Variants in TRDN observed in about 807,000 individuals in gnomAD.
TRDN encodes triadin in skeletal muscle.
TRDN carries 161 observed loss-of-function variants against 149.7 expected under a neutral mutation model. The ratio of observed to expected loss-of-function variants is 1.08; its 90% CI spans 0.95 to 1.23. TRDN has a LOEUF of 1.23. Among genes scored for constraint, TRDN ranks in the 50% most tolerant of loss-of-function variants. The pLI is 0.00. For synonymous variants in TRDN, 294 were observed against 250.5 expected (o/e 1.17, Z -1.64); for missense variants, 896 against 823.5 (o/e 1.09, Z -1.08).
intron 19 of TRDN, among the ~76,000 whole-genome samples, chr6:123,372,750 T>G (rs1781369221): frequency 6.6e-6 from 1 of 152,158 alleles, no homozygotes; most frequent in African/African-American, 2.4e-5. Context: ...GTTAAAGCCA[T>G]GAAGCACTCT....
At chr6:123,278,992 G>A (rs1777478879) in intron 25 of TRDN, 64 bp downstream of exon 25, 3 of 1,415,270 alleles carry the variant, frequency 2.1e-6, no homozygotes, top group Admixed American at 4.3e-5. Flanking sequence ...ATGCATTTAA[G>A]ATTTGTTTTA....
intron 12 of TRDN, among the ~76,000 whole-genome samples, chr6:123,401,377 C>A (rs1465368522): frequency 6.6e-6 from 1 of 152,118 alleles, no homozygotes; most frequent in African/African-American, 2.4e-5. Context: ...TACACTTAGT[C>A]CTCAGATTAA....
At chr6:123,402,161 T>A (rs1410923112) in intron 12 of TRDN, among the ~76,000 whole-genome samples, 1 of 152,026 alleles carries the variant, frequency 6.6e-6, no homozygotes, top group Admixed American at 6.6e-5. Flanking sequence ...ACATTGTGAG[T>A]TCCTACATAA....
intron 19 of TRDN, among the ~76,000 whole-genome samples, chr6:123,372,060 A>G (rs1431267356): frequency 1.3e-5 from 2 of 152,170 alleles, no homozygotes; most frequent in Admixed American, 1.3e-4. Context: ...TATATTTGGC[A>G]TGCAGTGTGT....
chr6:123,512,375 A>G lies in TRDN; in HGVS notation c.551-13T>C. ...TCCTTGTGAGTTGCTTAAACAGAAA[A>G]TTTTACATTAGTACACATTTTTAAT... On this transcript the variant is annotated splice_polypyrimidine_tract_variant and intron_variant, in intron 6 of 40. Transcript: ENST00000334268. 7.0e-7 allele frequency: 1 copy of G among 1,437,448 alleles called. No homozygotes were observed. The highest frequency in any genetic ancestry group is 9.6e-7 in the Non-Finnish European group (1 of 1,044,318). 89.0% of individuals were successfully genotyped at this position (1,437,448 alleles called of 1,614,324 possible).
rs1246869283 is a variant in TRDN, at chr6:123,266,498, T to C, written c.1784-1160A>G. Among the ~76,000 whole-genome samples the C allele has an allele frequency of 4.5e-4, 22 of 48,894 alleles. 2 individuals are homozygous for C. The highest frequency in any genetic ancestry group is 8.3e-4 in the Admixed American group (2 of 2,420). 32.1% of individuals were successfully genotyped at this position (48,894 alleles called of 152,430 possible). On this transcript the variant is annotated intron_variant, in intron 32 of 40. Transcript: ENST00000334268. The stretch of plus-strand genomic sequence containing the variant: ...TATATATTATAATATGTATTATATA[T>C]AATATATATATTATAATATGTATTA...
chr6:123,565,312 C>T lies in TRDN; in HGVS notation c.232+5611G>A, dbSNP rs547039626. Among the ~76,000 whole-genome samples the T allele has an allele frequency of 2.0e-5, 3 of 152,248 alleles. No homozygotes were observed. The East Asian group carries it at 5.8e-4, about 30-fold the overall frequency. ...ACTAAGAGAGCAACGTTTCTCTGTC[C>T]TCCCATCCCCCACTTAGGGTTTCCA... On this transcript the variant is annotated intron_variant, in intron 2 of 40. Transcript: ENST00000334268.
chr6:123,474,452 CT>C (rs1562334234), intron 9 of TRDN, among the ~76,000 whole-genome samples: 1 of 152,028 alleles, frequency 6.6e-6, no homozygotes, highest in Non-Finnish European at 1.5e-5. Context: ...TACAAAGAGA[CT>C]TAGACTCCCA....
At position 123,269,881 on chromosome 6, in the gene TRDN, G is replaced by T; in HGVS notation, c.1721-15C>A. ...TTTGGGCTTGGCTGTGGAGAATGGAGGCAAGCACATGGCATATTGATGAGT... is the reference window on the plus strand; with the variant it reads ...TTTGGGCTTGGCTGTGGAGAATGGATGCAAGCACATGGCATATTGATGAGT... On this transcript the variant is annotated splice_polypyrimidine_tract_variant and intron_variant, in intron 30 of 40. Coordinates refer to ENST00000334268, the MANE Select transcript of TRDN (RefSeq NM_006073.4). 1 of 1,609,488 alleles carries T rather than the reference G, an allele frequency of 6.2e-7. No homozygotes were observed. The highest frequency in any genetic ancestry group is 1.1e-5 in the South Asian group (1 of 90,450).
chr6:123,281,954 C>T (rs942956417), intron 24 of TRDN, among the ~76,000 whole-genome samples: 2 of 151,884 alleles, frequency 1.3e-5, no homozygotes, highest in African/African-American at 4.8e-5. Context: ...TATGAATGTG[C>T]CTTGTGTGGA....
intron 7 of TRDN, among the ~76,000 whole-genome samples, chr6:123,504,689 T>C (rs2114835877): frequency 6.6e-6 from 1 of 152,252 alleles, no homozygotes; most frequent in Non-Finnish European, 1.5e-5. Flanking sequence ...ATATTCTTAA[T>C]TTGATATTAT....
At chr6:123,424,944 A>T (rs1178003664) in intron 12 of TRDN, among the ~76,000 whole-genome samples, 1 of 152,118 alleles carries the variant, frequency 6.6e-6, no homozygotes, top group Admixed American at 6.6e-5. Context: ...CTCATTTTTC[A>T]AAGCTGCTGA....
chr6:123,516,254 TGAG>T (rs1779405641), intron 5 of TRDN, 48 bp from the exon 6 acceptor site: 2 of 1,417,414 alleles, frequency 1.4e-6, no homozygotes, highest in South Asian at 2.9e-5. Flanking sequence ...CAGGAATAAA[TGAG>T]GAGATGTTTG....
At chr6:123,528,625 T>C in intron 5 of TRDN, 1 of 985,516 alleles carries the variant, frequency 1.0e-6, no homozygotes, top group East Asian at 1.1e-4. Context: ...CATACAACCA[T>C]AACTGACATG....
intron 9 of TRDN, among the ~76,000 whole-genome samples, chr6:123,491,941 T>A (rs1562344347): frequency 6.6e-6 from 1 of 152,174 alleles, no homozygotes; most frequent in Non-Finnish European, 1.5e-5. Flanking sequence ...TAACAGTGAC[T>A]ATAATGCAAT....
chr6:123,242,944 C>T (rs1265171861), intron 38 of TRDN, among the ~76,000 whole-genome samples: 1 of 152,158 alleles, frequency 6.6e-6, no homozygotes, highest in Non-Finnish European at 1.5e-5. Flanking sequence ...GCAGCTATAG[C>T]ATGACATCAT....
chr6:123,346,034 G>A (rs1480024364), intron 21 of TRDN, among the ~76,000 whole-genome samples: 1 of 151,468 alleles, frequency 6.6e-6, no homozygotes, highest in Non-Finnish European at 1.5e-5. Flanking sequence ...TTCTTATATT[G>A]TTGCATTCGC....
At chr6:123,421,617 T>C (rs1011894954) in intron 12 of TRDN, 2 of 152,112 alleles carry the variant, frequency 1.3e-5, no homozygotes, top group Non-Finnish European at 2.9e-5. Context: ...TATATACAGA[T>C]GGCCAACTCT....
chr6:123,439,153 C>T, intron 10 of TRDN, 150 bp from the exon 11 acceptor site: 1 of 609,326 alleles, frequency 1.6e-6, no homozygotes. Flanking sequence ...TCTTATTTTC[C>T]TCATTTATCA....
Sources: allele counts gnomAD v4.1 joint callset (sites outside exome capture counted in the v4.1 genomes callset), GRCh38; gene constraint gnomAD v4.1.1; transcripts MANE v1.5; gene names NCBI Gene and HGNC (gene_info 2026-07-23, HGNC 2026-07-21).